TXNDC16: variants seen among roughly 807,000 people sequenced by gnomAD.
TXNDC16 encodes the protein thioredoxin domain-containing protein 16.
A neutral mutation model predicts 85.6 loss-of-function variants in TXNDC16; 74 were observed. The observed-to-expected ratio is 0.86, with a 90% confidence interval of 0.72 to 1.05. TXNDC16 has a LOEUF of 1.05. Among genes scored for constraint, TXNDC16 ranks in the 50% least tolerant of loss-of-function variants. The probability of loss-of-function intolerance (pLI) is 0.00; values close to 1 mark genes in which losing one functional copy is unlikely to be tolerated. For synonymous variants in TXNDC16, 335 were observed against 326.5 expected (o/e 1.03, Z -0.28); for missense variants, 959 against 947.0 (o/e 1.01, Z -0.17).
At chr14:52,548,327 G>T (rs1470089402) in intron 1 of TXNDC16, among the ~76,000 whole-genome samples, 1 of 152,192 alleles carries the variant, frequency 6.6e-6, no homozygotes, top group Non-Finnish European at 1.5e-5. Flanking sequence ...TGGGTAGCAA[G>T]AGCAGGGAGG....
intron 6 of TXNDC16, among the ~76,000 whole-genome samples, chr14:52,534,476 C>T (rs529232621): frequency 1.3e-5 from 2 of 152,150 alleles, no homozygotes; most frequent in Admixed American, 6.6e-5. Flanking sequence ...ATTCTTCTTC[C>T]GATGTGGCCC....
At chr14:52,536,033 A>C (rs566142953) in intron 6 of TXNDC16, among the ~76,000 whole-genome samples, 11 of 152,180 alleles carry the variant, frequency 7.2e-5, no homozygotes, top group Admixed American at 1.3e-4. Flanking sequence ...CAAAACAAAA[A>C]ACAAAAACAA....
intron 9 of TXNDC16, among the ~76,000 whole-genome samples, chr14:52,502,151 C>A (rs1359286077): frequency 6.6e-6 from 1 of 152,194 alleles, no homozygotes; most frequent in Admixed American, 6.5e-5. Context: ...CCTTTCAGAT[C>A]TTTCTTGGTT....
chr14:52,455,111 T>A (rs757170388), intron 18 of TXNDC16, among the ~76,000 whole-genome samples: 1 of 152,150 alleles, frequency 6.6e-6, no homozygotes, highest in Non-Finnish European at 1.5e-5. Context: ...TCGGCCACAC[T>A]AGTCTCAGCA....
chr14:52,492,671 G>T (rs577095782), intron 9 of TXNDC16, among the ~76,000 whole-genome samples: 1 of 152,288 alleles, frequency 6.6e-6, no homozygotes, highest in Admixed American at 6.5e-5. Flanking sequence ...GGGAGGTGGG[G>T]TGTCATGTGG....
chr14:52,465,103 T>C (rs979088019), intron 16 of TXNDC16, among the ~76,000 whole-genome samples: 2 of 152,238 alleles, frequency 1.3e-5, no homozygotes, highest in African/African-American at 4.8e-5. Flanking sequence ...AATTGCTAGA[T>C]GTAAATTTGT....
At chr14:52,464,356 C>G (rs770511610) in intron 16 of TXNDC16, among the ~76,000 whole-genome samples, 5 of 152,226 alleles carry the variant, frequency 3.3e-5, no homozygotes, top group Admixed American at 2.0e-4. Context: ...TCTAGACTTT[C>G]TACATAATTA....
chr14:52,539,469 A>G (rs762420772), intron 4 of TXNDC16, among the ~76,000 whole-genome samples: 4 of 152,238 alleles, frequency 2.6e-5, no homozygotes, highest in Non-Finnish European at 5.9e-5. Flanking sequence ...AGACAAAGCC[A>G]GTGTCCACAA....
chr14:52,470,568 G>A lies in TXNDC16; in HGVS notation c.1425C>T (p.Asn475=), dbSNP rs1365169844. The part of the protein sequence containing the change: ...PIIKMYKKGE[N]PVSYAGMLGT... ...CTAACATTCCAGCATAAGATACTGGGTTCTCGCCTTTCTTGTACATCTTTA... is the reference window on the plus strand; with the variant it reads ...CTAACATTCCAGCATAAGATACTGGATTCTCGCCTTTCTTGTACATCTTTA... The change falls in exon 15 of 21, where the codon AAC becomes AAT. Residue 475 remains asparagine, a synonymous_variant. Coordinates refer to ENST00000281741, the MANE Select transcript of TXNDC16 (RefSeq NM_020784.3). 19 of 1,613,792 alleles carry A rather than the reference G, an allele frequency of 1.2e-5. No individual in the cohort carries two copies. The highest frequency in any genetic ancestry group is 1.6e-5 in the Non-Finnish European group (19 of 1,179,926).
chr14:52,473,104 A>C (rs954463786), intron 14 of TXNDC16, among the ~76,000 whole-genome samples: 1 of 152,024 alleles, frequency 6.6e-6, no homozygotes, highest in African/African-American at 2.4e-5. Context: ...ATCAGACACC[A>C]CCTTCTCAAA....
At chr14:52,480,239 C>T (rs1019507494) in intron 14 of TXNDC16, among the ~76,000 whole-genome samples, 3 of 151,982 alleles carry the variant, frequency 2.0e-5, no homozygotes, top group African/African-American at 4.8e-5. Context: ...ATTGGAAAAA[C>T]GCTTCTAGAC....
At chr14:52,547,699 CT>C (rs1461402921) in intron 1 of TXNDC16, among the ~76,000 whole-genome samples, 1 of 152,168 alleles carries the variant, frequency 6.6e-6, no homozygotes, top group Non-Finnish European at 1.5e-5. Context: ...CCAGCACTGC[CT>C]TATGTGTTCA....
At chr14:52,482,773 G>A (rs1198386916) in intron 13 of TXNDC16, 49 bp downstream of exon 13, 3 of 1,500,264 alleles carry the variant, frequency 2.0e-6, no homozygotes, top group Non-Finnish European at 1.8e-6. Flanking sequence ...TTAAATCTGG[G>A]TTTTTAAATG....
chr14:52,470,681 C>A lies in TXNDC16; in HGVS notation c.1313-1G>T. On this transcript the variant is annotated splice_acceptor_variant, in intron 14 of 20. Coordinates refer to ENST00000281741, the MANE Select transcript of TXNDC16 (RefSeq NM_020784.3). LOFTEE classifies it high-confidence loss of function. ...CTAGTAAGAAGCATAGTAGATGTGC[C>A]TAAATAAAAGGAAAATGCACATTTG... 6.3e-7 allele frequency: 1 copy of A among 1,586,980 alleles called. No homozygotes were observed. The highest frequency in any genetic ancestry group is 8.6e-7 in the Non-Finnish European group (1 of 1,168,788).
chr14:52,439,417 A>T, intron 19 of TXNDC16, 23 bp from the exon 20 acceptor site: 2 of 1,575,684 alleles, frequency 1.3e-6, no homozygotes, highest in Non-Finnish European at 1.7e-6. Context: ...ACAATTGAAC[A>T]TATTAATATT....
chr14:52,450,430 G>A (rs1594687549), intron 18 of TXNDC16, among the ~76,000 whole-genome samples: 1 of 147,736 alleles, frequency 6.8e-6, no homozygotes, highest in East Asian at 2.0e-4. Context: ...GGAGATTGAA[G>A]CTATAATACA....
chr14:52,502,560 G>T (rs374463337), intron 9 of TXNDC16, among the ~76,000 whole-genome samples: 68 of 152,180 alleles, frequency 4.5e-4, no homozygotes, highest in Admixed American at 4.0e-3. Flanking sequence ...CAAAGCTTTG[G>T]TTTTTTAATT....
intron 6 of TXNDC16, among the ~76,000 whole-genome samples, chr14:52,534,710 T>A (rs1207018577): frequency 1.3e-5 from 2 of 152,188 alleles, no homozygotes; most frequent in Non-Finnish European, 2.9e-5. Flanking sequence ...CATACATACT[T>A]CTACTATTTT....
intron 9 of TXNDC16, among the ~76,000 whole-genome samples, chr14:52,496,230 T>C (rs1469779024): frequency 6.6e-6 from 1 of 151,480 alleles, no homozygotes; most frequent in Admixed American, 6.6e-5. Flanking sequence ...ACAGGCATAG[T>C]ATAACCACTA....
Sources: allele counts gnomAD v4.1 joint callset (sites outside exome capture counted in the v4.1 genomes callset), GRCh38; gene constraint gnomAD v4.1.1; transcripts MANE v1.5; gene names NCBI Gene and HGNC (gene_info 2026-07-23, HGNC 2026-07-21).